ZNF75D: variants seen among roughly 807,000 people sequenced by gnomAD.
ZNF75D encodes zinc finger protein 75D, also known as zinc finger protein 75.
In ZNF75D, 33 loss-of-function variants were observed where a neutral mutation model predicts 33.3. The observed-to-expected ratio is 0.99, with a 90% CI of 0.75 to 1.32. The LOEUF (loss-of-function observed/expected upper bound fraction) is 1.32. ZNF75D is among the 40% of genes most tolerant of loss of function. The pLI is 0.00. For missense variants in ZNF75D, 338 were observed against 367.5 expected (o/e 0.92, Z 0.66); for synonymous variants, 113 against 130.6 (o/e 0.87, Z 0.92).
intron 1 of ZNF75D, among the ~76,000 whole-genome samples, chrX:135,256,916 C>G (rs1345776265): frequency 9.0e-6 from 1 of 111,717 alleles, no homozygotes; most frequent in Non-Finnish European, 1.9e-5. Flanking sequence ...GGCGACATTT[C>G]TAGATGCACA....
At chrX:135,289,740 T>A (rs2084012151) in intron 6 of ZNF75D, among the ~76,000 whole-genome samples, 1 of 111,323 alleles carries the variant, frequency 9.0e-6, no homozygotes, top group African/African-American at 3.3e-5. Flanking sequence ...CACATTAATA[T>A]GTATCACCTT....
chrX:135,318,845 C>T (rs1184592177), intron 1 of ZNF75D, among the ~76,000 whole-genome samples: 1 of 111,265 alleles, frequency 9.0e-6, no homozygotes, highest in Non-Finnish European at 1.9e-5. Context: ...GTAAGATAGA[C>T]AAAATACTAG....
intron 1 of ZNF75D, among the ~76,000 whole-genome samples, chrX:135,261,047 G>A (rs7064402): frequency 2.4e-4 from 27 of 112,111 alleles, no homozygotes; most frequent in African/African-American, 8.1e-4. Context: ...CCTTCACTTC[G>A]TTATTTACCC....
chrX:135,279,636 T>C (rs1556418201), intron 1 of ZNF75D, among the ~76,000 whole-genome samples: 1 of 112,025 alleles, frequency 8.9e-6, no homozygotes, highest in Non-Finnish European at 1.9e-5. Context: ...TGCTATAAAT[T>C]TCCCTCTAAA....
Position 135,285,964 on chromosome X carries a change from C to T in ZNF75D, c.*1173G>A, listed in dbSNP as rs1395450904. 2.7e-5 allele frequency: 3 copies of T among 112,321 alleles called. No homozygotes were observed. Among genetic ancestry groups the T allele is most frequent in the Non-Finnish European group, 3.8e-5 (2 of 53,293 alleles). 9.3% of individuals were successfully genotyped at this position (112,321 alleles called of 1,213,427 possible). On this transcript the variant is annotated 3_prime_UTR_variant, in exon 7 of 7. Transcript: ENST00000370766. ...ATCCATGCCTTCCAACTTCCCTTGA[C>T]GTCACATTATCTTCTCTTAAGAGAT...
intron 1 of ZNF75D, among the ~76,000 whole-genome samples, chrX:135,306,674 C>G (rs1556425847): frequency 8.9e-6 from 1 of 111,940 alleles, no homozygotes; most frequent in African/African-American, 3.2e-5. Flanking sequence ...AAAAATTGAT[C>G]TTCCTTTTCA....
At chrX:135,278,953 T>TTG (rs1435362177) in intron 1 of ZNF75D, among the ~76,000 whole-genome samples, 6 of 111,225 alleles carry the variant, frequency 5.4e-5, no homozygotes, top group Admixed American at 3.8e-4. Context: ...AAATTTTCTT[T>TTG]TGTGTGTGTG....
chrX:135,306,539 G>A (rs890925150), intron 1 of ZNF75D, among the ~76,000 whole-genome samples: 14 of 111,393 alleles, frequency 1.3e-4, no homozygotes, highest in Non-Finnish European at 2.1e-4. Flanking sequence ...ATAATCCTTC[G>A]CATTTTTTCC....
Position 135,287,466 on chromosome X carries a change from A to G in ZNF75D, c.1204T>C (p.Phe402Leu). ...TTATTAAGATCTGAACTCCATCTAA[A>G]CCTCCTGTCACATTGTTGACATTTA... ...PYKCQQCDRR[F>L]RWSSDLNKHF... Residue 402 changes from phenylalanine (F) to leucine (L), a missense_variant, in exon 7 of 7, where the codon TTT becomes CTT. Phe to Leu is a conservative substitution (Grantham distance 22). Coordinates refer to ENST00000370766, the MANE Select transcript of ZNF75D (RefSeq NM_007131.5). The G allele has an allele frequency of 8.3e-7, 1 of 1,210,850 alleles. No homozygotes were observed.
chrX:135,282,661 A>G (rs2148465181), downstream of ZNF75D, among the ~76,000 whole-genome samples: 1 of 111,606 alleles, frequency 9.0e-6, no homozygotes, highest in Non-Finnish European at 1.9e-5. Context: ...TGTGAATACC[A>G]TGGGAAAAGT....
chrX:135,310,795 T>C (rs782812835), intron 1 of ZNF75D, among the ~76,000 whole-genome samples: 1 of 111,319 alleles, frequency 9.0e-6, no homozygotes, highest in South Asian at 3.8e-4. Context: ...TCCATTTAAC[T>C]CTCCTCCCTG....
intron 1 of ZNF75D, among the ~76,000 whole-genome samples, chrX:135,333,916 C>T (rs2084680318): frequency 8.9e-6 from 1 of 111,737 alleles, no homozygotes; most frequent in African/African-American, 3.3e-5. Context: ...CAGTGAATCC[C>T]CTCAGTTCCA....
intron 1 of ZNF75D, among the ~76,000 whole-genome samples, chrX:135,274,501 T>C (rs1602588475): frequency 8.9e-6 from 1 of 111,917 alleles, no homozygotes; most frequent in Non-Finnish European, 1.9e-5. Flanking sequence ...AGTAATTTAA[T>C]GTTAGCTAAA....
intron 1 of ZNF75D, among the ~76,000 whole-genome samples, chrX:135,316,029 T>C (rs1249483796): frequency 1.8e-5 from 2 of 112,123 alleles, no homozygotes; most frequent in African/African-American, 6.5e-5. Context: ...CGTTTGTCAC[T>C]GTGGTTTGGA....
intron 1 of ZNF75D, among the ~76,000 whole-genome samples, chrX:135,300,565 G>A (rs944769321): frequency 1.8e-5 from 2 of 110,699 alleles, no homozygotes; most frequent in Admixed American, 1.9e-4. Context: ...GGCTAACGTG[G>A]TGAAACCCCA....
intron 1 of ZNF75D, among the ~76,000 whole-genome samples, chrX:135,275,494 G>C (rs940674355): frequency 8.1e-5 from 9 of 110,665 alleles, no homozygotes; most frequent in African/African-American, 3.0e-4. Flanking sequence ...GGTTTTTTTG[G>C]GTCCCTGCAT....
Position 135,294,278 on chromosome X carries a change from A to G in ZNF75D, c.-118-20T>C. The G allele has an allele frequency of 2.2e-6, 1 of 462,663 alleles. No homozygotes were observed. Among genetic ancestry groups the G allele is most frequent in the Non-Finnish European group, 3.6e-6 (1 of 276,847 alleles). The allele number at this position is 462,663 out of a possible 1,213,427, so 38.1% of individuals were successfully genotyped here. A position where few individuals can be genotyped will look rare whatever the true frequency, so the allele number is the denominator to read the frequency against. On this transcript the variant is annotated intron_variant, in intron 2 of 6. Transcript: ENST00000370766. ...AGAGCACTGAGGGAGAGCAGAAGAA[A>G]AGTACATGTCAAGAAGAAAATCACA... is the stretch of plus-strand genomic sequence containing the variant.
chrX:135,280,073 G>T, intron 1 of ZNF75D, among the ~76,000 whole-genome samples: 1 of 111,402 alleles, frequency 9.0e-6, no homozygotes, highest in Admixed American at 9.5e-5. Flanking sequence ...GTCTAATATT[G>T]ACAGTGGGGT....
chrX:135,333,086 CAGAG>C (rs782389345), intron 1 of ZNF75D, among the ~76,000 whole-genome samples: 3 of 107,600 alleles, frequency 2.8e-5, no homozygotes, highest in East Asian at 5.8e-4. Flanking sequence ...GAGTGACTGG[CAGAG>C]AGAGAGAGAG....
Sources: gnomAD v4.1 joint callset for allele counts (sites outside exome capture counted in the v4.1 genomes callset) on GRCh38, gnomAD v4.1.1 for gene constraint, MANE v1.5 for transcripts, NCBI Gene and HGNC (gene_info 2026-07-23, HGNC 2026-07-21) for gene names.